The following MCCC1 variants were observed in gnomAD, a reference collection of about 807,000 sequenced individuals.
MCCC1 encodes methylcrotonyl-CoA carboxylase subunit 1.
In MCCC1, 64 loss-of-function variants were observed where a neutral mutation model predicts 83.8. The observed-to-expected ratio is 0.76, with a 90% CI of 0.62 to 0.94. The LOEUF is 0.94. Among genes scored for constraint, MCCC1 ranks in the 40% least tolerant of loss-of-function variants. The pLI, the probability that MCCC1 is intolerant of heterozygous loss-of-function variation, is 0.00. For missense variants in MCCC1, 807 were observed against 904.7 expected (o/e 0.89, Z 1.39); for synonymous variants, 322 against 315.4 (o/e 1.02, Z -0.22).
intron 7 of MCCC1, among the ~76,000 whole-genome samples, chr3:183,061,044 G>A (rs1715795411): frequency 6.6e-6 from 1 of 152,132 alleles, no homozygotes; most frequent in Admixed American, 6.5e-5. Flanking sequence ...GAGCACTCAG[G>A]ACCTAATAAC....
At chr3:183,058,216 A>C (rs959711091) in intron 7 of MCCC1, among the ~76,000 whole-genome samples, 1 of 152,222 alleles carries the variant, frequency 6.6e-6, no homozygotes, top group Non-Finnish European at 1.5e-5. Context: ...GATTTTATGA[A>C]TATAGAAGAC....
At chr3:183,031,919 T>C (rs1482907548) in intron 14 of MCCC1, among the ~76,000 whole-genome samples, 4 of 152,050 alleles carry the variant, frequency 2.6e-5, no homozygotes, top group Non-Finnish European at 4.4e-5. Context: ...TCCTCCCGCC[T>C]TGGCCTCCCA....
intron 14 of MCCC1, among the ~76,000 whole-genome samples, chr3:183,030,269 C>T (rs943609903): frequency 5.3e-5 from 8 of 152,308 alleles, no homozygotes; most frequent in African/African-American, 1.4e-4. Context: ...GATCATACCA[C>T]GGCACTCCTG....
rs1577284399 is a variant in MCCC1, at chr3:183,045,556, C to T, written c.956-16G>A. ...TCCACAGTCCCTAAAAGGTAAAAAA[C>T]AATGGTCATATTCAATAGTGTATAA... On this transcript the variant is annotated splice_polypyrimidine_tract_variant and intron_variant, in intron 9 of 18. Transcript: ENST00000265594. The T allele has an allele frequency of 2.5e-6, 4 of 1,613,062 alleles. No homozygotes were observed. The highest frequency in any genetic ancestry group is 3.4e-6 in the Non-Finnish European group (4 of 1,179,442).
intron 14 of MCCC1, among the ~76,000 whole-genome samples, chr3:183,028,340 C>T (rs1279544266): frequency 1.3e-5 from 2 of 152,212 alleles, no homozygotes; most frequent in Non-Finnish European, 2.9e-5. Flanking sequence ...CACATAGTCA[C>T]CACCCAAGGG....
At chr3:183,106,028 G>C (rs566977827) in intron 1 of MCCC1, among the ~76,000 whole-genome samples, 1 of 140,370 alleles carries the variant, frequency 7.1e-6, no homozygotes, top group Non-Finnish European at 1.5e-5. Context: ...GGGGGAGGTT[G>C]CAGTGAGCCC....
rs570889071 is a variant in MCCC1, at chr3:183,023,039, G to T, written c.1732-485C>A. Among the ~76,000 whole-genome samples the T allele has an allele frequency of 3.8e-4, 58 of 152,236 alleles. 1 individual carries two copies. The highest frequency in any genetic ancestry group is 1.4e-3 in the African/African-American group (58 of 41,548). On this transcript the variant is annotated intron_variant, in intron 15 of 18. Coordinates refer to ENST00000265594, the MANE Select transcript of MCCC1 (RefSeq NM_020166.5). ...ATTCTTTTATCTTATCAACACGTAGGCCCAATCATGGGTTTCAGTTATGAT... is the reference window on the plus strand; with the variant it reads ...ATTCTTTTATCTTATCAACACGTAGTCCCAATCATGGGTTTCAGTTATGAT...
At chr3:183,041,993 C>T (rs1426152477) in intron 10 of MCCC1, among the ~76,000 whole-genome samples, 1 of 152,174 alleles carries the variant, frequency 6.6e-6, no homozygotes, top group Non-Finnish European at 1.5e-5. Flanking sequence ...CAAAAGCAGG[C>T]AAAGTGATGG....
intron 7 of MCCC1, 132 bp downstream of exon 7, chr3:183,070,867 A>G (rs1261430461): frequency 1.8e-6 from 2 of 1,102,608 alleles, no homozygotes; most frequent in Non-Finnish European, 2.6e-6. Flanking sequence ...TGGTTACATC[A>G]CAGGACAGAA....
intron 4 of MCCC1, among the ~76,000 whole-genome samples, chr3:183,083,712 C>T (rs1363200370): frequency 6.6e-6 from 1 of 152,042 alleles, no homozygotes; most frequent in African/African-American, 2.4e-5. Flanking sequence ...AAAATGGTCT[C>T]AGAAAAATGG....
rs956359144 is a variant in MCCC1 at position 183,092,647 on chromosome 3, G to A, written c.137-102C>T. On this transcript the variant is annotated intron_variant, in intron 2 of 18. Coordinates refer to ENST00000265594, the MANE Select transcript of MCCC1 (RefSeq NM_020166.5). ...TGGCTGATAAGGACTCGACTGATAA[G>A]TTCAAGGTTTTTGGTAAAACTAGCA... The A allele has an allele frequency of 7.4e-6, 11 of 1,481,610 alleles. No individual in the cohort carries two copies. In the African/African-American group the frequency reaches 1.4e-4, roughly 19 times the overall value. 91.8% of individuals were successfully genotyped at this position (1,481,610 alleles called of 1,614,324 possible). A position where few individuals can be genotyped will look rare whatever the true frequency, so the allele number is the denominator to read the frequency against.
At position 183,048,181 on chromosome 3, in the gene MCCC1, A is replaced by G. The variant is rs114345250; in HGVS notation, c.956-2641T>C. ...GAAATTGGATCATAGAAGATGCTCA[A>G]TTAAAACCATGAAAGGCAGAAAAAG... On this transcript the variant is annotated intron_variant, in intron 9 of 18. Coordinates refer to ENST00000265594, the MANE Select transcript of MCCC1 (RefSeq NM_020166.5). Among the ~76,000 whole-genome samples the G allele has an allele frequency of 1.0e-3, 154 of 152,348 alleles. 1 individual carries two copies. The highest frequency in any genetic ancestry group is 2.2e-3 in the Admixed American group (33 of 15,296).
intron 11 of MCCC1, among the ~76,000 whole-genome samples, chr3:183,040,446 C>G (rs544780643): frequency 6.6e-6 from 1 of 151,812 alleles, no homozygotes; most frequent in Admixed American, 6.6e-5. Flanking sequence ...CACGGTGGCT[C>G]ACCCCTGTAA....
Position 183,015,442 on chromosome 3 carries a change from T to A in MCCC1, c.2174A>T (p.Glu725Val), listed in dbSNP as rs755048310. ...EEEESDKRES[E>V] ...TGGCCATTTCCTTGCTGGAGTTTAT[T>A]CCGATTCCCTTTTGTCTGATTCTTC... Residue 725 changes from glutamate to valine, a missense_variant, in exon 19 of 19, where the codon GAA becomes GTA. Glu to Val is a moderately radical substitution (Grantham distance 121, BLOSUM62 -2). Coordinates refer to ENST00000265594, the MANE Select transcript of MCCC1 (RefSeq NM_020166.5). 3 of 1,614,054 alleles carry A rather than the reference T, an allele frequency of 1.9e-6. No individual in the cohort carries two copies. Among genetic ancestry groups the A allele is most frequent in the Non-Finnish European group, 1.7e-6 (2 of 1,180,008 alleles).
chr3:183,062,067 G>A (rs1344317029), intron 7 of MCCC1, among the ~76,000 whole-genome samples: 4 of 152,126 alleles, frequency 2.6e-5, no homozygotes, highest in African/African-American at 7.2e-5. Context: ...TGTAAGACAC[G>A]CCTTTGCTTC....
intron 13 of MCCC1, among the ~76,000 whole-genome samples, chr3:183,034,477 A>AC (rs1370154718): frequency 6.6e-5 from 10 of 150,984 alleles, no homozygotes; most frequent in East Asian, 5.8e-4. Flanking sequence ...AAACAAAAAA[A>AC]CACACGTCCT....
At chr3:183,099,217 TC>T (rs2108577539) in intron 1 of MCCC1, 134 bp downstream of exon 1, 1 of 1,020,152 alleles carries the variant, frequency 9.8e-7, no homozygotes, top group Non-Finnish European at 1.5e-6. Context: ...GCAGAACCCC[TC>T]CGAAAGTGCC....
At chr3:183,094,170 T>TC in intron 2 of MCCC1, among the ~76,000 whole-genome samples, 1 of 150,970 alleles carries the variant, frequency 6.6e-6, no homozygotes, top group South Asian at 2.1e-4. Context: ...TGCCTCAGCC[T>TC]CCCAAGCATC....
chr3:183,090,749 C>A (rs1718262031), intron 3 of MCCC1, among the ~76,000 whole-genome samples: 1 of 152,060 alleles, frequency 6.6e-6, no homozygotes, highest in Non-Finnish European at 1.5e-5. Context: ...GACACCACGC[C>A]CAGCTAATTT....
Sources: allele counts gnomAD v4.1 joint callset (sites outside exome capture counted in the v4.1 genomes callset), GRCh38; gene constraint gnomAD v4.1.1; transcripts MANE v1.5; gene names NCBI Gene and HGNC (gene_info 2026-07-23, HGNC 2026-07-21).